The following TMEM178B variants were observed in gnomAD, a reference collection of about 807,000 sequenced individuals.
The protein encoded by TMEM178B is transmembrane protein 178B.
TMEM178B carries 5 observed loss-of-function variants against 31.0 expected under a neutral mutation model. That is an observed-to-expected ratio of 0.16 (90% confidence interval 0.08 to 0.34). The LOEUF is 0.34. TMEM178B is among the 10% of genes least tolerant of loss of function. The probability of loss-of-function intolerance (pLI) is 1.00; values close to 1 mark genes in which losing one functional copy is unlikely to be tolerated. For missense variants in TMEM178B, 275 were observed against 400.3 expected (o/e 0.69, Z 2.67); for synonymous variants, 164 against 164.0 (o/e 1.00, Z 0.00).
At chr7:141,112,776 C>T (rs896442294) in intron 1 of TMEM178B, among the ~76,000 whole-genome samples, 21 of 152,132 alleles carry the variant, frequency 1.4e-4, no homozygotes, top group Admixed American at 2.6e-4. Flanking sequence ...GGAGAACTCA[C>T]CTGGACACCT....
At chr7:141,123,198 G>A (rs1276999496) in intron 1 of TMEM178B, among the ~76,000 whole-genome samples, 2 of 152,342 alleles carry the variant, frequency 1.3e-5, no homozygotes, top group East Asian at 1.9e-4. Flanking sequence ...CCCACCTTGT[G>A]GGAAAAGAGA....
chr7:141,317,930 C>T (rs1018992978), intron 2 of TMEM178B, among the ~76,000 whole-genome samples: 1 of 152,076 alleles, frequency 6.6e-6, no homozygotes, highest in African/African-American at 2.4e-5. Context: ...TGCCAATATC[C>T]ACAAGTGTAA....
chr7:141,364,261 T>G (rs1045052767), intron 2 of TMEM178B, among the ~76,000 whole-genome samples: 4 of 152,220 alleles, frequency 2.6e-5, no homozygotes, highest in African/African-American at 9.6e-5. Context: ...GCTGTATCAT[T>G]TTAGTTCAGT....
At chr7:141,448,616 A>G (rs1801804975) in intron 3 of TMEM178B, among the ~76,000 whole-genome samples, 1 of 152,218 alleles carries the variant, frequency 6.6e-6, no homozygotes, top group Non-Finnish European at 1.5e-5. Flanking sequence ...CAGTAAGGTC[A>G]GGCTTTGGTT....
intron 2 of TMEM178B, among the ~76,000 whole-genome samples, chr7:141,370,482 A>G (rs951775414): frequency 1.3e-5 from 2 of 152,204 alleles, no homozygotes; most frequent in Non-Finnish European, 2.9e-5. Context: ...TAATATATGC[A>G]ACACGTTGGG....
At chr7:141,306,041 C>CG (rs1798810436) in intron 2 of TMEM178B, among the ~76,000 whole-genome samples, 1 of 152,118 alleles carries the variant, frequency 6.6e-6, no homozygotes, top group Non-Finnish European at 1.5e-5. Context: ...CTGTATACCA[C>CG]GTAGCATCCG....
At chr7:141,464,948 A>G (rs1283980085) in intron 3 of TMEM178B, among the ~76,000 whole-genome samples, 1 of 152,192 alleles carries the variant, frequency 6.6e-6, no homozygotes, top group East Asian at 1.9e-4. Flanking sequence ...TTGTTGTTAC[A>G]CCACGACTAC....
At chr7:141,489,632 G>C in the TMEM178B span, among the ~76,000 whole-genome samples, 1 of 151,666 alleles carries the variant, frequency 6.6e-6, no homozygotes, top group Non-Finnish European at 1.5e-5. Context: ...TCATGTGTGT[G>C]TCTCTCTCTT....
At chr7:141,161,585 G>A (rs1796173475) in intron 1 of TMEM178B, among the ~76,000 whole-genome samples, 1 of 152,140 alleles carries the variant, frequency 6.6e-6, no homozygotes, top group African/African-American at 2.4e-5. Flanking sequence ...GGAAGGCCTG[G>A]GTGGGTTGAG....
At chr7:141,441,276 A>T (rs1727483) in intron 3 of TMEM178B, among the ~76,000 whole-genome samples, 38,290 of 151,944 alleles carry the variant, frequency 0.25, 5,731 homozygotes, top group East Asian at 0.58. Flanking sequence ...GAGACATGTC[A>T]GCACCACCCC....
At chr7:141,124,877 C>T (rs1469157974) in intron 1 of TMEM178B, among the ~76,000 whole-genome samples, 1 of 152,172 alleles carries the variant, frequency 6.6e-6, no homozygotes, top group Non-Finnish European at 1.5e-5. Context: ...CATCACTTTC[C>T]TCCTCCCTAG....
chr7:141,350,900 G>A (rs1346123231), intron 2 of TMEM178B, among the ~76,000 whole-genome samples: 1 of 152,176 alleles, frequency 6.6e-6, no homozygotes, highest in East Asian at 1.9e-4. Context: ...TATAGAAGTC[G>A]TGTCTAAAGA....
the TMEM178B span, among the ~76,000 whole-genome samples, chr7:141,507,812 C>T: frequency 6.6e-6 from 1 of 152,214 alleles, no homozygotes; most frequent in Admixed American, 6.5e-5. Flanking sequence ...AGCTGGGACA[C>T]AGGGCACCAA....
In TMEM178B at chr7:141,131,401, C is replaced by G. The variant is rs1016443303; in HGVS notation, c.382+56709C>G. Among the ~76,000 whole-genome samples the G allele has an allele frequency of 4.6e-4, 70 of 152,116 alleles. 1 individual carries two copies. Among genetic ancestry groups the G allele is most frequent in the Admixed American group, 3.0e-3 (46 of 15,276 alleles). On this transcript the variant is annotated intron_variant, in intron 1 of 3. Coordinates refer to ENST00000565468, the MANE Select transcript of TMEM178B (RefSeq NM_001195278.2). ...TGTTCTGTTTCATATGTGTTACCAG[C>G]TGAGTGTAACTATCACCCAAAATAA...
At chr7:141,427,664 A>G (rs577981006) in intron 2 of TMEM178B, among the ~76,000 whole-genome samples, 1 of 152,282 alleles carries the variant, frequency 6.6e-6, no homozygotes, top group Non-Finnish European at 1.5e-5. Flanking sequence ...TTTTTATATG[A>G]GACCTCAAAA....
At chr7:141,470,390 AT>A in intron 3 of TMEM178B, 145 bp from the exon 4 acceptor site, 1 of 737,288 alleles carries the variant, frequency 1.4e-6, no homozygotes, top group South Asian at 2.1e-5. Context: ...GACCTTGGTG[AT>A]AACCTGCTCT....
intron 2 of TMEM178B, among the ~76,000 whole-genome samples, chr7:141,257,243 C>G (rs1797942485): frequency 6.6e-6 from 1 of 152,170 alleles, no homozygotes; most frequent in Non-Finnish European, 1.5e-5. Context: ...GGTGAAAATT[C>G]AGAACCAGGG....
At position 141,193,386 on chromosome 7, in the gene TMEM178B, C is replaced by G. The variant is rs542333192; in HGVS notation, c.383-19205C>G. On this transcript the variant is annotated intron_variant, in intron 1 of 3. Transcript: ENST00000565468. ...CCCTGAATGCAAAACCTAAGGGACC[C>G]CTGGAGTCATGGGAATAATGTGCTT... Among the ~76,000 whole-genome samples the G allele has an allele frequency of 3.3e-5, 5 of 152,330 alleles. No homozygotes were observed. In the South Asian group the frequency reaches 6.2e-4, roughly 19 times the overall value.
intron 2 of TMEM178B, among the ~76,000 whole-genome samples, chr7:141,379,051 C>T (rs1393460375): frequency 1.3e-5 from 2 of 152,098 alleles, no homozygotes; most frequent in Admixed American, 6.6e-5. Flanking sequence ...GGAGCCACTC[C>T]GGATTTGGAG....
Sources: gnomAD v4.1 joint callset for allele counts (sites outside exome capture counted in the v4.1 genomes callset) on GRCh38, gnomAD v4.1.1 for gene constraint, MANE v1.5 for transcripts, NCBI Gene and HGNC (gene_info 2026-07-23, HGNC 2026-07-21) for gene names.